The following SLC7A8 variants were observed in gnomAD, a reference collection of about 807,000 sequenced individuals.
SLC7A8 encodes solute carrier family 7 member 8.
Under a neutral mutation model 51.2 loss-of-function variants are expected in SLC7A8, and 30 were observed. The observed-to-expected ratio is 0.59, with a 90% CI of 0.44 to 0.80. The LOEUF (loss-of-function observed/expected upper bound fraction) is 0.80. SLC7A8 is among the 30% of genes least tolerant of loss of function. The pLI is 0.00. For synonymous variants in SLC7A8, 257 were observed against 275.8 expected (o/e 0.93, Z 0.67); for missense variants, 612 against 674.4 (o/e 0.91, Z 1.03).
In SLC7A8 at chr14:23,128,129, GA is replaced by G; in HGVS notation, c.1330del (p.Ser444GlnfsTer14). 1 of 1,614,202 alleles carries G rather than the reference GA, an allele frequency of 6.2e-7. No individual in the cohort carries two copies. The highest frequency in any genetic ancestry group is 8.5e-7 in the Non-Finnish European group (1 of 1,180,046). On this transcript the variant is annotated frameshift_variant, in exon 10 of 11. Coordinates refer to ENST00000316902, the MANE Select transcript of SLC7A8 (RefSeq NM_012244.4). LOFTEE classifies it high-confidence loss of function. This position sits in a 1 kb window ranked among gnomAD's most constrained non-coding sequence, Gnocchi z 4.3. ...GCCAATGCCACACACCACCGGCTCT[GA>G]CCACAGGCTGAAGACCAGCAGGAAG... The part of the protein sequence containing the change: ...WAFLLVFSLW[S>X]EPVVCGIGLA...
chr14:23,137,926 G>A lies in SLC7A8; in HGVS notation c.1011C>T (p.Ser337=), dbSNP rs1168611113. 1.2e-6 allele frequency: 2 copies of A among 1,613,708 alleles called. No homozygotes were observed. Among genetic ancestry groups the A allele is most frequent in the Non-Finnish European group, 1.7e-6 (2 of 1,179,960 alleles). Residue 337 remains serine (S), a synonymous_variant, in exon 7 of 11, where the codon TCC becomes TCT. Transcript: ENST00000316902. The part of the protein sequence containing the change: ...FGGVNGSLFT[S]SRLFFAGARE... ...AGGGCCCAGGCAGCACTCACCGAGA[G>A]GAGGTGAAGAGAGACCCATTAACTC...
intron 7 of SLC7A8, among the ~76,000 whole-genome samples, chr14:23,136,206 C>G (rs1052319937): frequency 1.3e-5 from 2 of 152,194 alleles, no homozygotes; most frequent in African/African-American, 4.8e-5. Context: ...CAGTAACCAT[C>G]ATGAACTCCC....
rs1285565271 is a variant in SLC7A8, at chr14:23,166,666, TGCAG to T, written c.152-130_152-127del. On this transcript the variant is annotated intron_variant, in intron 1 of 10. Coordinates refer to ENST00000316902, the MANE Select transcript of SLC7A8 (RefSeq NM_012244.4). Reference sequence around the variant, plus strand: ...ATGCCTTGGATATATGTAAATGATCTGCAGGCAGGTGTGCCTAGCAATAATTCTC... The same window carrying T: ...ATGCCTTGGATATATGTAAATGATCTGCAGGTGTGCCTAGCAATAATTCTC... 6.5e-5 allele frequency: 60 copies of T among 923,196 alleles called. 1 individual carries two copies. The East Asian group carries it at 1.5e-3, about 22-fold the overall frequency. 57.2% of individuals were successfully genotyped at this position (923,196 alleles called of 1,614,324 possible).
At chr14:23,155,547 T>C in intron 3 of SLC7A8, 8 of 1,244,722 alleles carry the variant, frequency 6.4e-6, no homozygotes, top group Non-Finnish European at 7.1e-6. Context: ...GAGCTAAACA[T>C]GGCTCCTCAG....
intron 1 of SLC7A8, among the ~76,000 whole-genome samples, chr14:23,169,659 G>A (rs1418409362): frequency 2.0e-5 from 3 of 152,032 alleles, no homozygotes; most frequent in Admixed American, 6.6e-5. Flanking sequence ...CACCCGCCTC[G>A]ACCTCCCAAA....
At chr14:23,131,604 C>G in intron 7 of SLC7A8, 47 bp from the exon 8 acceptor site, 1 of 1,451,794 alleles carries the variant, frequency 6.9e-7, no homozygotes, top group Non-Finnish European at 9.3e-7. Flanking sequence ...CAGGGACCAC[C>G]AAGCCCCAGC....
chr14:23,172,345 G>A (rs182006625), intron 1 of SLC7A8, among the ~76,000 whole-genome samples: 1 of 152,322 alleles, frequency 6.6e-6, no homozygotes, highest in East Asian at 1.9e-4. Context: ...TGTAGATGCC[G>A]CAGGTGGGCG....
intron 1 of SLC7A8, 27 bp from the exon 2 acceptor site, chr14:23,166,567 G>T: frequency 6.2e-7 from 1 of 1,612,784 alleles, no homozygotes; most frequent in Non-Finnish European, 8.5e-7. Flanking sequence ...GGGTAAGGAG[G>T]GGAGACAGTA....
intron 1 of SLC7A8, among the ~76,000 whole-genome samples, chr14:23,181,594 G>C (rs898369273): frequency 1.3e-5 from 2 of 152,248 alleles, no homozygotes; most frequent in African/African-American, 2.4e-5. Context: ...CTATTGCTCA[G>C]ATGCCAAAAT....
chr14:23,143,088 T>G lies in SLC7A8; in HGVS notation c.625A>C (p.Ile209Leu). The change falls in exon 4 of 11, where the codon ATA becomes CTA. Residue 209 changes from isoleucine to leucine, a missense_variant. Coordinates refer to ENST00000316902, the MANE Select transcript of SLC7A8 (RefSeq NM_012244.4). ...TTCCTGCGATACTCACCTTTGCATATCTGTACAATCCCCATGATGATAATC... is the reference window on the plus strand; with the variant it reads ...TTCCTGCGATACTCACCTTTGCATAGCTGTACAATCCCCATGATGATAATC... ...ALIIIMGIVQ[I>L]CKGEYFWLEP... 6.2e-7 allele frequency: 1 copy of G among 1,614,140 alleles called. No individual in the cohort carries two copies. The highest frequency in any genetic ancestry group is 8.5e-7 in the Non-Finnish European group (1 of 1,180,024).
chr14:23,155,154 C>T (rs1361263507), intron 3 of SLC7A8: 1 of 1,535,768 alleles, frequency 6.5e-7, no homozygotes, highest in Non-Finnish European at 8.7e-7. Context: ...CTTTTCATCT[C>T]GAAGCACTTA....
At position 23,178,041 on chromosome 14, in the gene SLC7A8, T is replaced by C. The variant is rs1366984418; in HGVS notation, c.151+4723A>G. ...TTTGAATCCTAGCTCCAATATTTTT[T>C]AGTTGTGTGACCTTCAGCAAAGTTG... On this transcript the variant is annotated intron_variant, in intron 1 of 10. Transcript: ENST00000316902. Among the ~76,000 whole-genome samples, 5 of 152,362 alleles carry C rather than the reference T, an allele frequency of 3.3e-5. No homozygotes were observed. The East Asian group carries it at 9.6e-4, about 29-fold the overall frequency.
At chr14:23,138,083 C>T in intron 6 of SLC7A8, 59 bp from the exon 7 acceptor site, 4 of 1,590,702 alleles carry the variant, frequency 2.5e-6, no homozygotes, top group Non-Finnish European at 2.6e-6. Flanking sequence ...GACCCCTCAG[C>T]TCCCACTTCA....
Position 23,165,346 on chromosome 14 carries a change from C to T in SLC7A8, c.447G>A (p.Pro149=), listed in dbSNP as rs781585326. The change falls in exon 3 of 11, where the codon CCG becomes CCA. Residue 149 remains proline, a synonymous_variant. Coordinates refer to ENST00000316902, the MANE Select transcript of SLC7A8 (RefSeq NM_012244.4). The surrounding 1 kb of genome is among the most constrained non-coding windows in gnomAD (Gnocchi z 4.2). The part of the protein sequence containing the change: ...ALTFSNYVLQ[P]LFPTCFPPES... ...CTGGGGGGAAGCAGGTGGGGAAGAG[C>T]GGCTGCAGCACGTAGTTGGAGAAGG... 1.4e-5 allele frequency: 22 copies of T among 1,604,532 alleles called. No homozygotes were observed. The highest frequency in any genetic ancestry group is 1.1e-4 in the East Asian group (5 of 44,000).
At chr14:23,141,176 T>G (rs571538883) in intron 4 of SLC7A8, among the ~76,000 whole-genome samples, 1 of 152,214 alleles carries the variant, frequency 6.6e-6, no homozygotes, top group East Asian at 1.9e-4. Context: ...GCTCACCTAT[T>G]TGAGAGGCTA....
At chr14:23,149,375 G>A (rs112158494) in intron 3 of SLC7A8, among the ~76,000 whole-genome samples, 9 of 152,116 alleles carry the variant, frequency 5.9e-5, no homozygotes, top group African/African-American at 1.9e-4. Context: ...TACAACTTCA[G>A]GCCCACCCAC....
chr14:23,128,486 A>C lies in SLC7A8; in HGVS notation c.1264-290T>G. 5.4e-5 allele frequency: 46 copies of C among 855,908 alleles called. No homozygotes were observed. Among genetic ancestry groups the C allele is most frequent in the Non-Finnish European group, 7.1e-5 (41 of 574,580 alleles). 53.0% of individuals were successfully genotyped at this position (855,908 alleles called of 1,614,324 possible). A position where few individuals can be genotyped will look rare whatever the true frequency, so the allele number is the denominator to read the frequency against. On this transcript the variant is annotated intron_variant, in intron 9 of 10. Transcript: ENST00000316902. The surrounding 1 kb of genome is among the most constrained non-coding windows in gnomAD (Gnocchi z 4.3). ...CTTGGGTGTGGTTAGACAAGGCCTC[A>C]TCATGCATGCCATGTGCCCGTGGCA...
At chr14:23,144,933 CTTTTTTT>C (rs199939524) in intron 3 of SLC7A8, among the ~76,000 whole-genome samples, 2 of 139,654 alleles carry the variant, frequency 1.4e-5, no homozygotes, top group Non-Finnish European at 3.1e-5. Flanking sequence ...TTTTCTTTTT[CTTTTTTT>C]TTTTTTTTCT....
rs576148683 is a variant in SLC7A8, at chr14:23,144,783, C to T, written c.509-1579G>A. ...TGTTCTGTGAATCTCTATAATTCAG[C>T]ATGTTATTTATTCCTAACAACATGC... On this transcript the variant is annotated intron_variant, in intron 3 of 10. Transcript: ENST00000316902. 2.5e-4 allele frequency among the ~76,000 whole-genome samples: 38 copies of T among 152,214 alleles called. No homozygotes were observed. In the South Asian group the frequency reaches 7.9e-3, roughly 32 times the overall value.
Sources: gnomAD v4.1 joint callset for allele counts (sites outside exome capture counted in the v4.1 genomes callset) on GRCh38, gnomAD v4.1.1 for gene constraint, Gnocchi (gnomAD v3.1) non-coding constraint, MANE v1.5 for transcripts, NCBI Gene and HGNC (gene_info 2026-07-23, HGNC 2026-07-21) for gene names.